ZNF213: variants seen among roughly 807,000 people sequenced by gnomAD.
The protein encoded by ZNF213 is putative transcription factor CR53.
ZNF213 carries 32 observed loss-of-function variants against 46.0 expected under a neutral mutation model. The observed-to-expected ratio is 0.70, with a 90% confidence interval of 0.52 to 0.93. ZNF213 has a LOEUF of 0.93. ZNF213 is among the 40% of genes least tolerant of loss of function. ZNF213 has a pLI of 0.00. For missense variants in ZNF213, 639 were observed against 652.8 expected, an observed-to-expected ratio of 0.98 and a Z score of 0.23; for synonymous variants, 297 against 271.0, an observed-to-expected ratio of 1.10 and a Z score of -0.94.
chr16:3,141,483 C>T lies in ZNF213; in HGVS notation c.*136C>T. 9.6e-7 allele frequency: 1 copy of T among 1,036,328 alleles called. No individual in the cohort carries two copies. Among genetic ancestry groups the T allele is most frequent in the Non-Finnish European group, 1.4e-6 (1 of 739,584 alleles). The allele number at this position is 1,036,328 out of a possible 1,614,324, so 64.2% of individuals were successfully genotyped here. On this transcript the variant is annotated 3_prime_UTR_variant, in exon 6 of 6. Transcript: ENST00000396878. ...ACCCCAGGGTACCTCACACTCGGAG[C>T]TCGCCTGCCCTGCTTGGCTCTGAGG...
rs1239124738 is a variant in ZNF213, at chr16:3,135,310, C to A, written c.-193C>A. On this transcript the variant is annotated 5_prime_UTR_variant, in exon 1 of 6. Coordinates refer to ENST00000396878, the MANE Select transcript of ZNF213 (RefSeq NM_004220.3). ...CCCTGTACGATCGCCGCTCGCCCCG[C>A]GGGCGAGGCTGCGGTGGACAGCGCG... The A allele has an allele frequency of 6.6e-6, 1 of 152,444 alleles. No homozygotes were observed. Among genetic ancestry groups the A allele is most frequent in the Non-Finnish European group, 1.5e-5 (1 of 68,224 alleles). The allele number at this position is 152,444 out of a possible 1,614,324, so 9.4% of individuals were successfully genotyped here. A position where few individuals can be genotyped will look rare whatever the true frequency, so the allele number is the denominator to read the frequency against.
Position 3,137,457 on chromosome 16 carries a change from T to C in ZNF213, c.177T>C (p.Pro59=), listed in dbSNP as rs762708025. 1.2e-6 allele frequency: 2 copies of C among 1,613,958 alleles called. No individual in the cohort carries two copies. Among genetic ancestry groups the C allele is most frequent in the South Asian group, 2.2e-5 (2 of 91,084 alleles). The change falls in exon 2 of 6, where the codon CCT becomes CCC. Residue 59 remains proline (P), a synonymous_variant. Coordinates refer to ENST00000396878, the MANE Select transcript of ZNF213 (RefSeq NM_004220.3). ...TCTGCTACGGGGATGTGCATGGGCC[T>C]CATGAGGCCTTCAGCCAGCTCTGGG... is the stretch of plus-strand genomic sequence containing the variant. ...RQFCYGDVHG[P]HEAFSQLWEL... is the part of the protein sequence containing the mutation.
chr16:3,138,420 T>A lies in ZNF213; in HGVS notation c.402T>A (p.Asp134Glu). 1 of 1,613,572 alleles carries A rather than the reference T, an allele frequency of 6.2e-7. No individual in the cohort carries two copies. The highest frequency in any genetic ancestry group is 8.5e-7 in the Non-Finnish European group (1 of 1,179,742). ...QKQPVKAWRQ[D>E]VPSEEAEPEA... ...AGCATGTTGTGGTTCCTGCACAGGATGTGCCCTCGGAGGAGGCGGAACCCG... is the reference window on the plus strand; with the variant it reads ...AGCATGTTGTGGTTCCTGCACAGGAAGTGCCCTCGGAGGAGGCGGAACCCG... The change falls in exon 3 of 6, where the codon GAT becomes GAA. Residue 134 changes from aspartate (D) to glutamate (E), a missense_variant and splice_region_variant. Physicochemically the swap from Asp to Glu is conservative, Grantham distance 45 (BLOSUM62 2). Coordinates refer to ENST00000396878, the MANE Select transcript of ZNF213 (RefSeq NM_004220.3).
At position 3,135,124 on chromosome 16, in the gene ZNF213, C is replaced by CG. The variant is rs1284325425; in HGVS notation, c.-375dup. 1.6e-3 allele frequency: 12 copies of CG among 7,392 alleles called. No individual in the cohort carries two copies. The highest frequency in any genetic ancestry group is 3.0e-3 in the African/African-American group (5 of 1,678). 0.5% of individuals were successfully genotyped at this position (7,392 alleles called of 1,614,324 possible). On this transcript the variant is annotated 5_prime_UTR_variant, in exon 1 of 6. Coordinates refer to ENST00000396878, the MANE Select transcript of ZNF213 (RefSeq NM_004220.3). ...CGGGGGCGGGGGCGGGGGCGGGGGCCGGGGCGGGGACGGGGCCTCTGGCCG... is the reference window on the plus strand; with the variant it reads ...CGGGGGCGGGGGCGGGGGCGGGGGCCGGGGGCGGGGACGGGGCCTCTGGCCG...
chr16:3,141,133 C>T lies in ZNF213; in HGVS notation c.1166C>T (p.Ala389Val), dbSNP rs770131969. 2 of 1,611,444 alleles carry T rather than the reference C, an allele frequency of 1.2e-6. No homozygotes were observed. The highest frequency in any genetic ancestry group is 4.5e-5 in the East Asian group (2 of 44,830). Residue 389 changes from alanine (A) to valine (V), a missense_variant, in exon 6 of 6, where the codon GCC becomes GTC. Ala to Val is a moderately conservative substitution (Grantham distance 64). Transcript: ENST00000396878. ...GKSFSRSAYL[A>V]DHQRIHTGEK... ...AGCTTCAGCCGCAGCGCCTACCTGGCCGACCACCAGCGCATACACACGGGC... is the reference window on the plus strand; with the variant it reads ...AGCTTCAGCCGCAGCGCCTACCTGGTCGACCACCAGCGCATACACACGGGC...
rs765165697 is a variant in ZNF213 at position 3,141,260 on chromosome 16, C to T, written c.1293C>T (p.Cys431=). 1.7e-5 allele frequency: 28 copies of T among 1,611,900 alleles called. No individual in the cohort carries two copies. Among genetic ancestry groups the T allele is most frequent in the South Asian group, 1.2e-4 (11 of 91,082 alleles). Residue 431 remains cysteine (C), a synonymous_variant, in exon 6 of 6, where the codon TGC becomes TGT. Transcript: ENST00000396878. ...ACACCGGTGAGCGGCCCTTCGGCTG[C>T]GGAGAGTGCGACAAGAGCTTCAAGC... ...RVHTGERPFG[C]GECDKSFKQR...
In ZNF213 at chr16:3,137,475, G is replaced by C; in HGVS notation, c.195G>C (p.Gln65His). Residue 65 changes from glutamine (Q) to histidine (H), a missense_variant, in exon 2 of 6, where the codon CAG (glutamine) becomes CAC (histidine). Physicochemically the swap from Gln to His is conservative, Grantham distance 24. Coordinates refer to ENST00000396878, the MANE Select transcript of ZNF213 (RefSeq NM_004220.3). ...ATGGGCCTCATGAGGCCTTCAGCCA[G>C]CTCTGGGAGCTCTGCTGCCGCTGGC... ...DVHGPHEAFS[Q>H]LWELCCRWLR... 6.2e-7 allele frequency: 1 copy of C among 1,613,940 alleles called. No homozygotes were observed. Among genetic ancestry groups the C allele is most frequent in the South Asian group, 1.1e-5 (1 of 91,080 alleles).
chr16:3,139,063 A>G lies in ZNF213; in HGVS notation c.686A>G (p.Asp229Gly), dbSNP rs771825598. The G allele has an allele frequency of 8.7e-6, 14 of 1,614,030 alleles. No individual in the cohort carries two copies. In the East Asian group the frequency reaches 1.6e-4, roughly 18 times the overall value. The change falls in exon 5 of 6, where the codon GAC (aspartate) becomes GGC (glycine). Residue 229 changes from aspartate (D) to glycine (G), a missense_variant. Coordinates refer to ENST00000396878, the MANE Select transcript of ZNF213 (RefSeq NM_004220.3). ...LDPAQRDLFW[D>G]IKRENSRNTT... ...CCTGCTCAGCGGGATCTCTTCTGGG[A>G]CATAAAGCGGGAGAACTCCCGGAAC...
intron 2 of ZNF213, 31 bp from the exon 3 acceptor site, chr16:3,138,387 G>T: frequency 1.2e-6 from 2 of 1,612,920 alleles, no homozygotes; most frequent in Non-Finnish European, 1.7e-6. Flanking sequence ...TCTGGTCTCG[G>T]GCTGATGAGC....
chr16:3,138,653 G>C, intron 3 of ZNF213, 92 bp from the exon 4 acceptor site: 1 of 1,610,256 alleles, frequency 6.2e-7, no homozygotes, highest in East Asian at 2.2e-5. Flanking sequence ...GTGAAGTCCA[G>C]GGCGTGTGTG....
At chr16:3,135,902 G>T (rs1957531240) in intron 1 of ZNF213, among the ~76,000 whole-genome samples, 1 of 146,390 alleles carries the variant, frequency 6.8e-6, no homozygotes, top group South Asian at 2.1e-4. Flanking sequence ...ACAGTGGTGC[G>T]ATCATAGCTC....
intron 3 of ZNF213, 32 bp downstream of exon 3, chr16:3,138,573 A>C: frequency 6.2e-7 from 1 of 1,613,838 alleles, no homozygotes; most frequent in East Asian, 2.2e-5. Context: ...TGGACAGTCG[A>C]GTGGCTGGGC....
In ZNF213 at chr16:3,138,517, C is replaced by T. The variant is rs747110635; in HGVS notation, c.499C>T (p.Pro167Ser). 1.2e-6 allele frequency: 2 copies of T among 1,613,980 alleles called. No individual in the cohort carries two copies. The highest frequency in any genetic ancestry group is 1.7e-6 in the Non-Finnish European group (2 of 1,179,956). ...TVGARRRPSV[P>S]QEQHSHSAQP... ...GGGGGCACGGAGGCGGCCGTCTGTT[C>T]CCCAGGAGCAGCACAGCCATAGCGG... Residue 167 changes from proline (P) to serine (S), a missense_variant, in exon 3 of 6, where the codon CCC (proline) becomes TCC (serine). Physicochemically the swap from Pro to Ser is moderately conservative, Grantham distance 74 (BLOSUM62 -1). Transcript: ENST00000396878.
In ZNF213 at chr16:3,138,825, C is replaced by T. The variant is rs1957571833; in HGVS notation, c.597+7C>T. ...CTTTGTCTCTGGGGTCCATGTGAGT[C>T]ACCAGTCCCTTTGTCTTCTTTAAGG... is the stretch of plus-strand genomic sequence containing the variant. On this transcript the variant is annotated splice_region_variant and intron_variant, in intron 4 of 5. Transcript: ENST00000396878. 2 of 1,614,128 alleles carry T rather than the reference C, an allele frequency of 1.2e-6. No individual in the cohort carries two copies. Among genetic ancestry groups the T allele is most frequent in the Non-Finnish European group, 1.7e-6 (2 of 1,180,018 alleles).
At position 3,142,682 on chromosome 16, in the gene ZNF213, G is replaced by T. The variant is rs1957627550; in HGVS notation, c.*1335G>T. The T allele has an allele frequency of 6.2e-6, 1 of 162,478 alleles. No homozygotes were observed. The highest frequency in any genetic ancestry group is 2.4e-5 in the African/African-American group (1 of 41,542). The allele number at this position is 162,478 out of a possible 1,614,324, so 10.1% of individuals were successfully genotyped here. On this transcript the variant is annotated 3_prime_UTR_variant, in exon 6 of 6. Coordinates refer to ENST00000396878, the MANE Select transcript of ZNF213 (RefSeq NM_004220.3). ...TCGGCACTAACGCCCTGCTTCATTG[G>T]CACTTTGCTGCTGCCTCCTGAGCAC...
chr16:3,138,047 C>T lies in ZNF213; in HGVS notation c.399+368C>T, dbSNP rs1459643365. On this transcript the variant is annotated intron_variant, in intron 2 of 5. Coordinates refer to ENST00000396878, the MANE Select transcript of ZNF213 (RefSeq NM_004220.3). ...GAGTGGGGCGAGAAGGTGGAGCTGT[C>T]CGGGGCCTCTGCTACCTTGTGGGAT... The T allele has an allele frequency of 8.3e-5, 38 of 457,144 alleles. No individual in the cohort carries two copies. The East Asian group carries it at 1.2e-3, about 15-fold the overall frequency. The allele number at this position is 457,144 out of a possible 1,614,324, so 28.3% of individuals were successfully genotyped here. A position where few individuals can be genotyped will look rare whatever the true frequency, so the allele number is the denominator to read the frequency against.
intron 5 of ZNF213, 63 bp from the exon 6 acceptor site, chr16:3,140,626 C>A (rs999611265): frequency 1.2e-5 from 18 of 1,445,968 alleles, no homozygotes; most frequent in Non-Finnish European, 1.6e-5. Flanking sequence ...TTGTTTCTTC[C>A]TCACCTCAGC....
At chr16:3,136,905 T>C (rs1274648971) in intron 1 of ZNF213, among the ~76,000 whole-genome samples, 1 of 152,178 alleles carries the variant, frequency 6.6e-6, no homozygotes, top group Non-Finnish European at 1.5e-5. Context: ...TCAGGTCAGG[T>C]GGTGCTGCCA....
Position 3,142,497 on chromosome 16 carries a change from A to C in ZNF213, c.*1150A>C. On this transcript the variant is annotated 3_prime_UTR_variant, in exon 6 of 6. Transcript: ENST00000396878. ...ACCCCGCTCCATCATCACTATGTCCAGCTCCGTCGGCACTACCACCCTGCT... is the reference window on the plus strand; with the variant it reads ...ACCCCGCTCCATCATCACTATGTCCCGCTCCGTCGGCACTACCACCCTGCT... 5.4e-6 allele frequency: 1 copy of C among 185,952 alleles called. No individual in the cohort carries two copies. Among genetic ancestry groups the C allele is most frequent in the South Asian group, 6.6e-5 (1 of 15,040 alleles). The allele number at this position is 185,952 out of a possible 1,614,324, so 11.5% of individuals were successfully genotyped here.
Sources: gnomAD v4.1 joint callset for allele counts (sites outside exome capture counted in the v4.1 genomes callset) on GRCh38, gnomAD v4.1.1 for gene constraint, MANE v1.5 for transcripts, NCBI Gene and HGNC (gene_info 2026-07-23, HGNC 2026-07-21) for gene names.